ZNF587: variants seen among roughly 807,000 people sequenced by gnomAD.
ZNF587 encodes zinc finger protein 587, also known as zinc finger protein zfp6.
A neutral mutation model predicts 7.5 loss-of-function variants in ZNF587; 8 were observed. The observed-to-expected ratio is 1.06, with a 90% confidence interval of 0.62 to 1.92. The LOEUF (loss-of-function observed/expected upper bound fraction) is 1.92, where lower values mean the gene tolerates loss of function less well. Ranked by LOEUF, ZNF587 falls within the 40% of genes most tolerant of loss-of-function variation. The pLI is 0.00. For synonymous variants in ZNF587, 145 were observed against 237.8 expected, an observed-to-expected ratio of 0.61 and a Z score of 3.59; for missense variants, 468 against 692.8, an observed-to-expected ratio of 0.68 and a Z score of 3.64.
chr19:57,861,334 C>G lies in ZNF587; in HGVS notation c.*1194C>G, dbSNP rs2071429581. The stretch of plus-strand genomic sequence containing the variant: ...TTTTGAGTCAGTGGTTTATGTTTTG[C>G]ATTTTTTTTGTTTTGAGACAAAGTC... On this transcript the variant is annotated 3_prime_UTR_variant, in exon 3 of 3. Transcript: ENST00000339656. The G allele has an allele frequency of 6.6e-6, 1 of 151,974 alleles. No individual in the cohort carries two copies. Among genetic ancestry groups the G allele is most frequent in the Non-Finnish European group, 1.5e-5 (1 of 67,974 alleles). The allele number at this position is 151,974 out of a possible 1,614,324, so 9.4% of individuals were successfully genotyped here. A position where few individuals can be genotyped will look rare whatever the true frequency, so the allele number is the denominator to read the frequency against.
rs529778531 is a variant in ZNF587, at chr19:57,864,186, T to G, written c.*4046T>G. On this transcript the variant is annotated 3_prime_UTR_variant, in exon 3 of 3. Transcript: ENST00000339656. ...TCTCACTCTGTCACCCAGGCTGAAG[T>G]GCAATGGCATGGTCTCGGCTCACTG... is the stretch of plus-strand genomic sequence containing the variant. 7.4e-6 allele frequency: 1 copy of G among 135,410 alleles called. No individual in the cohort carries two copies. Among genetic ancestry groups the G allele is most frequent in the South Asian group, 2.5e-4 (1 of 4,040 alleles). 8.4% of individuals were successfully genotyped at this position (135,410 alleles called of 1,614,324 possible).
At chr19:57,855,895 A>G (rs1326119691) in intron 1 of ZNF587, 11 of 828,730 alleles carry the variant, frequency 1.3e-5, no homozygotes, top group Non-Finnish European at 1.6e-5. Context: ...TCAGGACCTC[A>G]GCATGGATAC....
intron 1 of ZNF587, 136 bp from the exon 2 acceptor site, chr19:57,855,968 A>C (rs2071350134): frequency 2.8e-6 from 4 of 1,451,258 alleles, no homozygotes; most frequent in African/African-American, 2.9e-5. Context: ...GAAGAGACAA[A>C]GGCACCAGTG....
intron 1 of ZNF587, chr19:57,850,985 A>C (rs1249827402): frequency 6.5e-6 from 1 of 154,916 alleles, no homozygotes; most frequent in African/African-American, 2.4e-5. Flanking sequence ...ATTATGCTCC[A>C]CTGCTTCAAG....
At chr19:57,857,314 A>G (rs1380624403) in intron 2 of ZNF587, 1 of 152,120 alleles carries the variant, frequency 6.6e-6, no homozygotes, top group Non-Finnish European at 1.5e-5. Flanking sequence ...GAGTAGGCAC[A>G]CACTATTTGT....
rs985395286 is a variant in ZNF587, at chr19:57,863,235, A to C, written c.*3095A>C. The C allele has an allele frequency of 2.6e-5, 4 of 152,220 alleles. No homozygotes were observed. The highest frequency in any genetic ancestry group is 7.2e-5 in the African/African-American group (3 of 41,418). 9.4% of individuals were successfully genotyped at this position (152,220 alleles called of 1,614,324 possible). Reference sequence around the variant, plus strand: ...GGATTCAAGCACTTCTCCTTGCCTCAGCCACCTCTTTAGCTGGGATTACAG... The same window carrying C: ...GGATTCAAGCACTTCTCCTTGCCTCCGCCACCTCTTTAGCTGGGATTACAG... On this transcript the variant is annotated 3_prime_UTR_variant, in exon 3 of 3. Coordinates refer to ENST00000339656, the MANE Select transcript of ZNF587 (RefSeq NM_032828.4).
Position 57,849,873 on chromosome 19 carries a change from A to T in ZNF587, c.-166A>T, listed in dbSNP as rs569740754. 1.3e-6 allele frequency: 2 copies of T among 1,497,220 alleles called. No homozygotes were observed. The highest frequency in any genetic ancestry group is 2.6e-5 in the South Asian group (2 of 76,852). The allele number at this position is 1,497,220 out of a possible 1,614,324, so 92.7% of individuals were successfully genotyped here. ...CCGGGGTCTCTAGTAGCGGCTGTGTATCGGCGATGCGGGTGTTTCCCCAGT... is the reference window on the plus strand; with the variant it reads ...CCGGGGTCTCTAGTAGCGGCTGTGTTTCGGCGATGCGGGTGTTTCCCCAGT... On this transcript the variant is annotated 5_prime_UTR_variant, in exon 1 of 3. Coordinates refer to ENST00000339656, the MANE Select transcript of ZNF587 (RefSeq NM_032828.4).
At chr19:57,851,245 C>T (rs1254971640) in intron 1 of ZNF587, 1 of 152,120 alleles carries the variant, frequency 6.6e-6, no homozygotes, top group Non-Finnish European at 1.5e-5. Flanking sequence ...CTGCATGACC[C>T]CTAAACCGTA....
intron 1 of ZNF587, chr19:57,854,166 G>A (rs920701882): frequency 3.9e-5 from 6 of 152,182 alleles, no homozygotes; most frequent in Non-Finnish European, 8.8e-5. Context: ...ATGCTCATCT[G>A]TGATAGTAGA....
rs1332065251 is a variant in ZNF587 at position 57,863,068 on chromosome 19, C to T, written c.*2928C>T. On this transcript the variant is annotated 3_prime_UTR_variant, in exon 3 of 3. Transcript: ENST00000339656. ...CCGGGTTCACGCCATTCTCTTGCCT[C>T]AGCCTCCTGAGTAGCTGGGACCACA... is the stretch of plus-strand genomic sequence containing the variant. The T allele has an allele frequency of 3.3e-5, 5 of 153,004 alleles. No homozygotes were observed. The South Asian group carries it at 1.0e-3, about 32-fold the overall frequency. The allele number at this position is 153,004 out of a possible 1,614,324, so 9.5% of individuals were successfully genotyped here.
In ZNF587 at chr19:57,860,444, T is replaced by A; in HGVS notation, c.*304T>A. On this transcript the variant is annotated 3_prime_UTR_variant, in exon 3 of 3. Coordinates refer to ENST00000339656, the MANE Select transcript of ZNF587 (RefSeq NM_032828.4). ...CCACCACGCCCAGCTAATTTTTGTG[T>A]TTTTAGTGGAGATGGGGTTTTACCA... The A allele has an allele frequency of 2.4e-6, 1 of 423,106 alleles. No homozygotes were observed. Among genetic ancestry groups the A allele is most frequent in the Non-Finnish European group, 4.3e-6 (1 of 233,538 alleles). The allele number at this position is 423,106 out of a possible 1,614,324, so 26.2% of individuals were successfully genotyped here.
intron 2 of ZNF587, among the ~76,000 whole-genome samples, chr19:57,857,866 C>G (rs574529338): frequency 1.3e-5 from 2 of 151,964 alleles, no homozygotes; most frequent in Admixed American, 1.3e-4. Context: ...GAACTCCTGA[C>G]GTCAGGTGAT....
rs771237226 is a variant in ZNF587 at position 57,861,429 on chromosome 19, C to G, written c.*1289C>G. The G allele has an allele frequency of 6.6e-6, 1 of 152,230 alleles. No individual in the cohort carries two copies. Among genetic ancestry groups the G allele is most frequent in the Non-Finnish European group, 1.5e-5 (1 of 68,086 alleles). The allele number at this position is 152,230 out of a possible 1,614,324, so 9.4% of individuals were successfully genotyped here. On this transcript the variant is annotated 3_prime_UTR_variant, in exon 3 of 3. Transcript: ENST00000339656. ...CATTGCAACCTCTGCTTCCTGGGCT[C>G]AAGCACTCTGCCCACCTCAGCCTCC... is the stretch of plus-strand genomic sequence containing the variant.
intron 2 of ZNF587, 131 bp from the exon 3 acceptor site, chr19:57,858,445 T>C (rs1175844979): frequency 3.4e-6 from 5 of 1,467,934 alleles, no homozygotes; most frequent in African/African-American, 2.9e-5. Context: ...CATCTTCAAC[T>C]TGAAGCCAAC....
rs750782311 is a variant in ZNF587 at position 57,863,422 on chromosome 19, C to G, written c.*3282C>G. The stretch of plus-strand genomic sequence containing the variant: ...TGAGCCACTGCACCTGGCCTGTATT[C>G]TTTTCTTTAGTAGAGACGGGGTTTT... On this transcript the variant is annotated 3_prime_UTR_variant, in exon 3 of 3. Transcript: ENST00000339656. 6.6e-6 allele frequency: 1 copy of G among 151,920 alleles called. No individual in the cohort carries two copies. The highest frequency in any genetic ancestry group is 2.4e-5 in the African/African-American group (1 of 41,374). The allele number at this position is 151,920 out of a possible 1,614,324, so 9.4% of individuals were successfully genotyped here. A position where few individuals can be genotyped will look rare whatever the true frequency, so the allele number is the denominator to read the frequency against.
chr19:57,854,760 G>A (rs570211296), intron 1 of ZNF587, among the ~76,000 whole-genome samples: 7 of 152,144 alleles, frequency 4.6e-5, no homozygotes, highest in East Asian at 1.9e-4. Context: ...ATTTGTAGGC[G>A]CTGGGTGTGG....
chr19:57,852,610 C>A (rs1471353401), intron 1 of ZNF587, among the ~76,000 whole-genome samples: 1 of 151,736 alleles, frequency 6.6e-6, no homozygotes, highest in African/African-American at 2.4e-5. Context: ...TCACTGGAGC[C>A]TCTGCCTCCC....
intron 1 of ZNF587, among the ~76,000 whole-genome samples, chr19:57,853,116 G>T (rs1167111585): frequency 6.6e-6 from 1 of 152,150 alleles, no homozygotes; most frequent in East Asian, 1.9e-4. Flanking sequence ...GCCTCCCCAA[G>T]TGCTGGGATT....
chr19:57,856,029 G>A (rs1600121765), intron 1 of ZNF587, 75 bp from the exon 2 acceptor site: 1 of 1,591,916 alleles, frequency 6.3e-7, no homozygotes, highest in East Asian at 2.3e-5. Context: ...ATGGGCAAGG[G>A]TGGGTGTGTG....
Sources: gnomAD v4.1 joint callset for allele counts (sites outside exome capture counted in the v4.1 genomes callset) on GRCh38, gnomAD v4.1.1 for gene constraint, MANE v1.5 for transcripts, NCBI Gene and HGNC (gene_info 2026-07-23, HGNC 2026-07-21) for gene names.